The following PVT1 variants were observed in gnomAD, a reference collection of about 807,000 sequenced individuals.
PVT1 encodes CXCR4/PVT1 fusion.
chr8:128,070,318 A>G (rs1438239648), exon 5 of PVT1: 1 of 152,234 alleles, frequency 6.6e-6, no homozygotes, highest in African/African-American at 2.4e-5. Flanking sequence ...ACCTGTACCC[A>G]TATGGACTGT....
chr8:127,980,601 A>G (rs1816872123), intron 3 of PVT1, among the ~76,000 whole-genome samples: 1 of 152,078 alleles, frequency 6.6e-6, no homozygotes, highest in South Asian at 2.1e-4. Flanking sequence ...CACCATAGGA[A>G]ATTCCCTGCT....
chr8:127,840,424 T>C (rs1666894301), intron 2 of PVT1, among the ~76,000 whole-genome samples: 1 of 152,238 alleles, frequency 6.6e-6, no homozygotes. Context: ...AAGAGGATAT[T>C]CTGGAACGTT....
Position 127,937,774 on chromosome 8 carries a change from T to C in PVT1, n.782+46776T>C, listed in dbSNP as rs146926725. Among the ~76,000 whole-genome samples the C allele has an allele frequency of 3.2e-4, 49 of 152,244 alleles. No homozygotes were observed. In the East Asian group the frequency reaches 9.5e-3, roughly 29 times the overall value. ...ATTACAGGAGTGAGCCTGGCCCCAA[T>C]TCAATTCAATCTTTATGGGCATCGA... On this transcript the variant is annotated intron_variant and non_coding_transcript_variant, in intron 3 of 10. Coordinates refer to ENST00000651587, the Ensembl canonical transcript of PVT1.
At chr8:127,817,546 T>TATAC (rs1280832628) in intron 2 of PVT1, among the ~76,000 whole-genome samples, 1,938 of 89,912 alleles carry the variant, frequency 0.022, 42 homozygotes, top group African/African-American at 0.034. Context: ...TATATATATA[T>TATAC]ACACACACAC....
chr8:127,951,558 A>G (rs1327851918), intron 3 of PVT1, among the ~76,000 whole-genome samples: 1 of 152,198 alleles, frequency 6.6e-6, no homozygotes, highest in African/African-American at 2.4e-5. Context: ...AGGAGAAACT[A>G]AAAGGCGTGT....
chr8:128,037,910 C>A (rs530914794), intron 4 of PVT1, among the ~76,000 whole-genome samples: 2 of 152,314 alleles, frequency 1.3e-5, no homozygotes, highest in African/African-American at 4.8e-5. Context: ...ACCAGAAATC[C>A]CTTTTACTGG....
chr8:127,931,115 A>C (rs1473665254), intron 3 of PVT1, among the ~76,000 whole-genome samples: 1 of 152,136 alleles, frequency 6.6e-6, no homozygotes, highest in Non-Finnish European at 1.5e-5. Flanking sequence ...TATGTTGCCC[A>C]CGCTGGTCTC....
intron 4 of PVT1, among the ~76,000 whole-genome samples, chr8:128,045,731 C>T (rs1275503212): frequency 6.6e-6 from 1 of 152,208 alleles, no homozygotes; most frequent in Non-Finnish European, 1.5e-5. Context: ...TGAGGAGCGG[C>T]TTCATAATGA....
intron 4 of PVT1, among the ~76,000 whole-genome samples, chr8:128,022,648 A>G (rs1414421361): frequency 2.6e-5 from 4 of 152,196 alleles, no homozygotes; most frequent in Non-Finnish European, 5.9e-5. Context: ...GGAACTTGGT[A>G]CAGTTGAAAT....
At chr8:127,962,056 C>T (rs767444433) in intron 3 of PVT1, among the ~76,000 whole-genome samples, 24 of 152,348 alleles carry the variant, frequency 1.6e-4, no homozygotes, top group Non-Finnish European at 1.8e-4. Context: ...CTCACTGCAA[C>T]CTCCGCCTCT....
intron 3 of PVT1, among the ~76,000 whole-genome samples, chr8:127,967,184 G>A (rs1006977067): frequency 2.0e-5 from 3 of 152,284 alleles, no homozygotes; most frequent in South Asian, 2.1e-4. Context: ...ATACCCACCC[G>A]CTGATGACAA....
chr8:127,993,716 T>C (rs1226213419), intron 4 of PVT1, among the ~76,000 whole-genome samples: 1 of 152,160 alleles, frequency 6.6e-6, no homozygotes, highest in Non-Finnish European at 1.5e-5. Context: ...AGGAAGAAAG[T>C]ATTCCCCTTT....
At chr8:127,826,780 A>G (rs1248878395) in intron 2 of PVT1, among the ~76,000 whole-genome samples, 1 of 152,084 alleles carries the variant, frequency 6.6e-6, no homozygotes, top group African/African-American at 2.4e-5. Context: ...GGAAAATTTT[A>G]CCATGTGTAT....
intron 4 of PVT1, among the ~76,000 whole-genome samples, chr8:127,995,522 CGTCA>C (rs1357495693): frequency 7.2e-5 from 11 of 152,090 alleles, no homozygotes; most frequent in South Asian, 2.1e-4. Context: ...TATATCAGTC[CGTCA>C]GTCAGTTTTC....
intron 4 of PVT1, among the ~76,000 whole-genome samples, chr8:128,037,930 C>T (rs1813484830): frequency 6.6e-6 from 1 of 152,172 alleles, no homozygotes; most frequent in Non-Finnish European, 1.5e-5. Context: ...GTTCTCCTTC[C>T]CTGTGAGGGA....
intron 6 of PVT1, among the ~76,000 whole-genome samples, chr8:128,098,844 C>T (rs899218003): frequency 6.6e-6 from 1 of 152,094 alleles, no homozygotes; most frequent in Non-Finnish European, 1.5e-5. Context: ...GGATCCTGGC[C>T]CCTGTGGACA....
At chr8:128,067,424 A>C (rs1312912517) in intron 4 of PVT1, among the ~76,000 whole-genome samples, 1 of 152,196 alleles carries the variant, frequency 6.6e-6, no homozygotes, top group Non-Finnish European at 1.5e-5. Flanking sequence ...CGGCTGGCAC[A>C]GTCCCCGTGT....
chr8:128,045,006 T>C (rs1813594389), intron 4 of PVT1, among the ~76,000 whole-genome samples: 1 of 152,254 alleles, frequency 6.6e-6, no homozygotes, highest in Non-Finnish European at 1.5e-5. Context: ...CAGTGGTTTG[T>C]TGGGGCCACT....
chr8:127,868,283 A>G (rs1815306847), intron 2 of PVT1, among the ~76,000 whole-genome samples: 1 of 152,170 alleles, frequency 6.6e-6, no homozygotes, highest in African/African-American at 2.4e-5. Context: ...AAGGGAATTT[A>G]AAACATGAGT....
Sources: gnomAD v4.1 joint callset for allele counts (sites outside exome capture counted in the v4.1 genomes callset) on GRCh38, gnomAD v4.1.1 for gene constraint, MANE v1.5 for transcripts, NCBI Gene and HGNC (gene_info 2026-07-23, HGNC 2026-07-21) for gene names.